The following FCRLA variants were observed in gnomAD, a reference collection of about 807,000 sequenced individuals.
The protein encoded by FCRLA is Fc receptor like A.
In FCRLA, 26 loss-of-function variants were observed where a neutral mutation model predicts 28.4. That is an observed-to-expected ratio of 0.91 (90% CI 0.67 to 1.27). FCRLA has a LOEUF of 1.27. Among genes scored for constraint, FCRLA ranks in the 50% most tolerant of loss-of-function variants. The pLI is 0.00. For synonymous variants in FCRLA, 174 were observed against 168.5 expected (o/e 1.03, Z -0.25); for missense variants, 422 against 433.1 (o/e 0.97, Z 0.23).
intron 1 of FCRLA, among the ~76,000 whole-genome samples, chr1:161,708,828 TATA>T (rs2101652010): frequency 6.6e-6 from 1 of 152,332 alleles, no homozygotes; most frequent in Non-Finnish European, 1.5e-5. Flanking sequence ...TTTTTCTTAT[TATA>T]ATATTTTCCT....
rs768643221 is a variant in FCRLA at position 161,713,242 on chromosome 1, T to A, written c.942T>A (p.Asp314Glu). 3 of 1,614,216 alleles carry A rather than the reference T, an allele frequency of 1.9e-6. No homozygotes were observed. Among genetic ancestry groups the A allele is most frequent in the Non-Finnish European group, 2.5e-6 (3 of 1,180,034 alleles). The change falls in exon 5 of 5, where the codon GAT (aspartate) becomes GAA (glutamate). Residue 314 changes from aspartate to glutamate, a missense_variant. By Grantham distance (45) the Asp-to-Glu change is conservative. This residue lies in a region of FCRLA where 185 missense variants were observed against 198.1 expected (regional missense o/e 0.93). Coordinates refer to ENST00000236938, the MANE Select transcript of FCRLA (RefSeq NM_032738.4). ...TTTCTTCTCCTCTGGGGATGCCAGATCCTCATCTGTATCACCAGATGGGCC... is the reference window on the plus strand; with the variant it reads ...TTTCTTCTCCTCTGGGGATGCCAGAACCTCATCTGTATCACCAGATGGGCC... The part of the protein sequence containing the change: ...PGFSSPLGMP[D>E]PHLYHQMGLL...
In FCRLA at chr1:161,713,541, T is replaced by G. The variant is rs1683216389; in HGVS notation, c.*161T>G. ...TGAGTGTAAATAAATTTATATAAAG[T>G]GAGAATTAGAGTTTAGCTATAATTG... On this transcript the variant is annotated 3_prime_UTR_variant, in exon 5 of 5. Transcript: ENST00000236938. 4.9e-6 allele frequency: 3 copies of G among 615,684 alleles called. No individual in the cohort carries two copies. The highest frequency in any genetic ancestry group is 8.4e-6 in the Non-Finnish European group (3 of 356,958). 38.1% of individuals were successfully genotyped at this position (615,684 alleles called of 1,614,324 possible). A position where few individuals can be genotyped will look rare whatever the true frequency, so the allele number is the denominator to read the frequency against.
Position 161,711,256 on chromosome 1 carries a change from T to G in FCRLA, c.281T>G (p.Leu94Arg), listed in dbSNP as rs1158458685. 9 of 1,614,076 alleles carry G rather than the reference T, an allele frequency of 5.6e-6. No homozygotes were observed. The East Asian group carries it at 2.0e-4, about 36-fold the overall frequency. Residue 94 changes from leucine to arginine, a missense_variant, in exon 3 of 5, where the codon CTG (leucine) becomes CGG (arginine). Coordinates refer to ENST00000236938, the MANE Select transcript of FCRLA (RefSeq NM_032738.4). ...GCCAAGCCAGTTTTTGAAGGGGACC[T>G]GCTGGTTCTGCGCTGCCAGGCCTGG... ...GPAKPVFEGDLLVLRCQAWQD... is the reference protein window; with the variant it reads ...GPAKPVFEGDRLVLRCQAWQD...
At chr1:161,710,620 T>G (rs1299965375) in intron 1 of FCRLA, 140 bp from the exon 2 acceptor site, 12 of 1,399,274 alleles carry the variant, frequency 8.6e-6, no homozygotes, top group Non-Finnish European at 1.1e-5. Flanking sequence ...CAGGGGTCTT[T>G]CCGAAAAAAA....
intron 4 of FCRLA, among the ~76,000 whole-genome samples, chr1:161,712,488 A>G (rs1683156026): frequency 1.3e-5 from 2 of 152,066 alleles, no homozygotes; most frequent in Admixed American, 1.3e-4. Flanking sequence ...CCCCCCCAAC[A>G]TGCTCTCTGG....
At chr1:161,708,061 T>C (rs1020488563) in intron 1 of FCRLA, among the ~76,000 whole-genome samples, 1 of 152,210 alleles carries the variant, frequency 6.6e-6, no homozygotes, top group Non-Finnish European at 1.5e-5. Context: ...CTAACCATGC[T>C]TTTGAGCTTC....
At chr1:161,710,695 C>G (rs757126960) in intron 1 of FCRLA, 65 bp from the exon 2 acceptor site, 1 of 1,591,548 alleles carries the variant, frequency 6.3e-7, no homozygotes, top group Admixed American at 1.7e-5. Context: ...GATGGAGGAA[C>G]CCTGTCCTCT....
intron 4 of FCRLA, among the ~76,000 whole-genome samples, 157 bp downstream of exon 4, chr1:161,712,375 G>C (rs1222716293): frequency 6.6e-6 from 1 of 152,180 alleles, no homozygotes; most frequent in Admixed American, 6.5e-5. Context: ...CTGATGATGA[G>C]AGACAGCACA....
chr1:161,710,154 T>C, intron 1 of FCRLA: 1 of 375,476 alleles, frequency 2.7e-6, no homozygotes, highest in Non-Finnish European at 5.0e-6. Context: ...AGGACTGAAG[T>C]AGACCATATT....
chr1:161,710,454 G>C (rs1375649062), intron 1 of FCRLA: 2 of 1,550,140 alleles, frequency 1.3e-6, no homozygotes, highest in Non-Finnish European at 1.7e-6. Context: ...CATTGTCTTT[G>C]CTCCTGGTTT....
intron 1 of FCRLA, among the ~76,000 whole-genome samples, chr1:161,710,096 A>T (rs1162107268): frequency 6.6e-6 from 1 of 152,178 alleles, no homozygotes; most frequent in Non-Finnish European, 1.5e-5. Context: ...GAGCCAAGTG[A>T]AGTTTGGGAA....
At chr1:161,712,313 T>A in intron 4 of FCRLA, 95 bp downstream of exon 4, 1 of 1,452,730 alleles carries the variant, frequency 6.9e-7, no homozygotes, top group Non-Finnish European at 9.4e-7. Context: ...GGGTTCAGTG[T>A]GAGCAGGTTA....
rs1194405828 is a variant in FCRLA at position 161,713,944 on chromosome 1, T to C, written c.*564T>C. The C allele has an allele frequency of 6.6e-6, 1 of 152,554 alleles. No homozygotes were observed. The highest frequency in any genetic ancestry group is 2.4e-5 in the African/African-American group (1 of 41,468). 9.5% of individuals were successfully genotyped at this position (152,554 alleles called of 1,614,324 possible). On this transcript the variant is annotated 3_prime_UTR_variant, in exon 5 of 5. Transcript: ENST00000236938. The stretch of plus-strand genomic sequence containing the variant: ...AAACCCTAGGTGTTGGGCTCTGGAA[T>C]GGGACTTTGTCCCTTCTAATTATTA...
chr1:161,710,350 G>A, intron 1 of FCRLA: 1 of 835,940 alleles, frequency 1.2e-6, no homozygotes, highest in South Asian at 1.5e-5. Flanking sequence ...GTTAGATACT[G>A]CACACAAGTG....
At chr1:161,712,309 A>G (rs1275696309) in intron 4 of FCRLA, 91 bp downstream of exon 4, 2 of 1,470,472 alleles carry the variant, frequency 1.4e-6, no homozygotes, top group Non-Finnish European at 1.8e-6. Context: ...GCTGGGGTTC[A>G]GTGTGAGCAG....
chr1:161,710,378 C>A, intron 1 of FCRLA: 2 of 1,157,274 alleles, frequency 1.7e-6, no homozygotes, highest in Non-Finnish European at 2.5e-6. Flanking sequence ...GGTCTGGCAC[C>A]CAGTGAACAT....
At position 161,713,229 on chromosome 1, in the gene FCRLA, TG is replaced by T; in HGVS notation, c.933del (p.Met312CysfsTer20). 2 of 1,614,252 alleles carry T rather than the reference TG, an allele frequency of 1.2e-6. No individual in the cohort carries two copies. The highest frequency in any genetic ancestry group is 2.2e-5 in the South Asian group (2 of 91,082). On this transcript the variant is annotated frameshift_variant, in exon 5 of 5. Coordinates refer to ENST00000236938, the MANE Select transcript of FCRLA (RefSeq NM_032738.4). LOFTEE classifies it low-confidence loss of function (END_TRUNC). The stretch of plus-strand genomic sequence containing the variant: ...GAGGATCCAGGCTTTTCTTCTCCTC[TG>T]GGGATGCCAGATCCTCATCTGTATC... ...SSEDPGFSSP[L>X]GMPDPHLYHQ...
chr1:161,709,881 T>C (rs1683012001), intron 1 of FCRLA, among the ~76,000 whole-genome samples: 1 of 152,082 alleles, frequency 6.6e-6, no homozygotes, highest in African/African-American at 2.4e-5. Context: ...GAGCAAAGAA[T>C]TGTTCCACAG....
rs34733000 is a variant in FCRLA, at chr1:161,711,963, G to C, written c.529G>C (p.Val177Leu). ...GTTTCCAGCGCCAATTCTCAGAGCT[G>C]TACCCTCAGCTGAACCCCAAGCAGG... The part of the protein sequence containing the change: ...ELFPAPILRA[V>L]PSAEPQAGSP... The change falls in exon 4 of 5, where the codon GTA becomes CTA. Residue 177 changes from valine (V) to leucine (L), a missense_variant. By Grantham distance (32) the Val-to-Leu change is conservative. Coordinates refer to ENST00000236938, the MANE Select transcript of FCRLA (RefSeq NM_032738.4). The C allele has an allele frequency of 4.0e-3, 6,403 of 1,613,784 alleles. 191 individuals are homozygous for C. The African/African-American group carries it at 0.075, about 19-fold the overall frequency.
Sources: allele counts gnomAD v4.1 joint callset (sites outside exome capture counted in the v4.1 genomes callset), GRCh38; gene constraint gnomAD v4.1.1; regional missense constraint gnomAD v4.1.1; transcripts MANE v1.5; gene names NCBI Gene and HGNC (gene_info 2026-07-23, HGNC 2026-07-21).